VMP1: variants seen among roughly 807,000 people sequenced by gnomAD.
VMP1 encodes ectopic P-granules autophagy protein 3 homolog.
A neutral mutation model predicts 56.0 loss-of-function variants in VMP1; 11 were observed. The ratio of observed to expected loss-of-function variants is 0.20; its 90% CI spans 0.12 to 0.32. The LOEUF is 0.32. Ranked by LOEUF, VMP1 falls within the 10% of genes least tolerant of loss-of-function variation. The probability of loss-of-function intolerance (pLI) is 1.00; values close to 1 mark genes in which losing one functional copy is unlikely to be tolerated. For missense variants in VMP1, 296 were observed against 490.3 expected (o/e 0.60, Z 3.74); for synonymous variants, 149 against 165.0 (o/e 0.90, Z 0.74).
intron 10 of VMP1, among the ~76,000 whole-genome samples, chr17:59,824,733 C>T (rs1201634050): frequency 2.0e-5 from 3 of 150,850 alleles, no homozygotes; most frequent in East Asian, 2.0e-4. Flanking sequence ...ATTAGCCAAG[C>T]GTGGTGATGG....
chr17:59,785,946 T>A (rs527661569), intron 7 of VMP1, among the ~76,000 whole-genome samples: 10 of 152,272 alleles, frequency 6.6e-5, no homozygotes, highest in Admixed American at 2.6e-4. Context: ...TGAAGCTAAA[T>A]CCCCAAATTA....
At chr17:59,809,904 A>G (rs1238571454) in intron 8 of VMP1, among the ~76,000 whole-genome samples, 1 of 152,168 alleles carries the variant, frequency 6.6e-6, no homozygotes, top group Non-Finnish European at 1.5e-5. Flanking sequence ...CTTCAGACCT[A>G]AATGGCTTAA....
intron 10 of VMP1, among the ~76,000 whole-genome samples, chr17:59,825,890 G>C (rs191580841): frequency 1.3e-5 from 2 of 152,330 alleles, no homozygotes; most frequent in Non-Finnish European, 2.9e-5. Context: ...TCACTCTATG[G>C]AAAGTGGTCA....
intron 7 of VMP1, among the ~76,000 whole-genome samples, chr17:59,788,419 G>A (rs551283113): frequency 8.1e-4 from 123 of 150,938 alleles, no homozygotes; most frequent in Non-Finnish European, 1.6e-3. Flanking sequence ...CCCGGGAGGC[G>A]TACATTTTAG....
intron 3 of VMP1, among the ~76,000 whole-genome samples, 181 bp from the exon 4 acceptor site, chr17:59,737,272 C>A (rs1303238991): frequency 1.3e-5 from 2 of 152,080 alleles, no homozygotes; most frequent in Non-Finnish European, 2.9e-5. Flanking sequence ...AACTTGGGTT[C>A]TCTGCCTATG....
rs1202065204 is a variant in VMP1, at chr17:59,808,954, C to A, written c.795+78C>A. 7.0e-6 allele frequency: 8 copies of A among 1,136,434 alleles called. No homozygotes were observed. The East Asian group carries it at 1.5e-4, about 21-fold the overall frequency. The allele number at this position is 1,136,434 out of a possible 1,614,324, so 70.4% of individuals were successfully genotyped here. A position where few individuals can be genotyped will look rare whatever the true frequency, so the allele number is the denominator to read the frequency against. ...TGATCCATATATACTCCTGAATTAA[C>A]AAAAGTGCTATCACTTTTATTGGGT... is the stretch of plus-strand genomic sequence containing the variant. On this transcript the variant is annotated intron_variant, in intron 8 of 11. Coordinates refer to ENST00000262291, the MANE Select transcript of VMP1 (RefSeq NM_030938.5).
Position 59,750,598 on chromosome 17 carries a change from A to C in VMP1, c.414+11651A>C, listed in dbSNP as rs1483936232. Among the ~76,000 whole-genome samples the C allele has an allele frequency of 2.0e-5, 3 of 152,186 alleles. No homozygotes were observed. In the South Asian group the frequency reaches 6.2e-4, roughly 32 times the overall value. On this transcript the variant is annotated intron_variant, in intron 5 of 11. Transcript: ENST00000262291. ...ATTACAGGCATGAGCCACCACGCCC[A>C]GCCCACAATGAGTGATTTTTAAAAT...
At chr17:59,737,744 G>GGTGT in intron 4 of VMP1, among the ~76,000 whole-genome samples, 1 of 151,754 alleles carries the variant, frequency 6.6e-6, no homozygotes, top group Middle Eastern at 3.4e-3. Flanking sequence ...ATTTATATGT[G>GGTGT]GTGTGTGTGA....
chr17:59,711,326 A>T (rs2143689731), intron 1 of VMP1, among the ~76,000 whole-genome samples: 2 of 151,294 alleles, frequency 1.3e-5, no homozygotes, highest in East Asian at 1.9e-4. Flanking sequence ...TAGTCTCTTT[A>T]GTCTTTCTCG....
In VMP1 at chr17:59,772,950, C is replaced by CTTTTTTTTTTTTTTTTTTTTTTTTTTTT. The variant is rs1179269248; in HGVS notation, c.583-801_583-774dup. Among the ~76,000 whole-genome samples the CTTTTTTTTTTTTTTTTTTTTTTTTTTTT allele has an allele frequency of 2.3e-4, 13 of 55,718 alleles. 3 individuals carry two copies. Among genetic ancestry groups the CTTTTTTTTTTTTTTTTTTTTTTTTTTTT allele is most frequent in the East Asian group, 1.2e-3 (2 of 1,686 alleles). 36.6% of individuals were successfully genotyped at this position (55,718 alleles called of 152,430 possible). ...TATCTAACACATATACTGGTGAATTCTTTTTTTTTTTTTTTTTTTTTTTTT... is the reference window on the plus strand; with the variant it reads ...TATCTAACACATATACTGGTGAATTCTTTTTTTTTTTTTTTTTTTTTTTTTTTTTTTTTTTTTTTTTTTTTTTTTTTTT... On this transcript the variant is annotated intron_variant, in intron 6 of 11. Transcript: ENST00000262291.
intron 1 of VMP1, among the ~76,000 whole-genome samples, chr17:59,724,457 G>A (rs1173689382): frequency 6.6e-6 from 1 of 151,636 alleles, no homozygotes; most frequent in African/African-American, 2.4e-5. Flanking sequence ...GAGATGGGCA[G>A]ATCACTTGAG....
intron 1 of VMP1, among the ~76,000 whole-genome samples, chr17:59,714,240 A>G (rs1187501737): frequency 6.6e-6 from 1 of 152,096 alleles, no homozygotes; most frequent in Non-Finnish European, 1.5e-5. Flanking sequence ...TGCCGAGAGT[A>G]TCACATGGAG....
intron 1 of VMP1, among the ~76,000 whole-genome samples, chr17:59,714,792 C>A (rs2034087142): frequency 6.6e-6 from 1 of 152,054 alleles, no homozygotes; most frequent in African/African-American, 2.4e-5. Flanking sequence ...ACCTCAGCCC[C>A]CTGAGTACCT....
intron 7 of VMP1, among the ~76,000 whole-genome samples, chr17:59,782,708 C>A (rs1329475451): frequency 6.6e-6 from 1 of 152,082 alleles, no homozygotes; most frequent in Non-Finnish European, 1.5e-5. Flanking sequence ...CAATCCGTAA[C>A]TATGAGTGGA....
chr17:59,758,698 G>A lies in VMP1; in HGVS notation c.415-6273G>A, dbSNP rs574373966. ...AAAAATTATCTGGGCCAGGTGCGCC[G>A]GCTCACACCTGTAATGCCAGCACTT... On this transcript the variant is annotated intron_variant, in intron 5 of 11. Transcript: ENST00000262291. Among the ~76,000 whole-genome samples the A allele has an allele frequency of 1.1e-4, 16 of 151,900 alleles. No homozygotes were observed. In the South Asian group the frequency reaches 2.5e-3, roughly 24 times the overall value.
At chr17:59,727,229 G>C (rs992245677) in intron 1 of VMP1, among the ~76,000 whole-genome samples, 1 of 151,930 alleles carries the variant, frequency 6.6e-6, no homozygotes, top group Non-Finnish European at 1.5e-5. Flanking sequence ...TTGCCTCCTG[G>C]GTTCATGCCG....
intron 9 of VMP1, among the ~76,000 whole-genome samples, chr17:59,817,096 C>T (rs1459139569): frequency 6.6e-6 from 1 of 150,636 alleles, no homozygotes; most frequent in Non-Finnish European, 1.5e-5. Flanking sequence ...TGGAGAAACA[C>T]CATCTCTACT....
At chr17:59,751,744 CAAAAAA>C (rs932086949) in intron 5 of VMP1, among the ~76,000 whole-genome samples, 3 of 42,562 alleles carry the variant, frequency 7.0e-5, no homozygotes, top group Non-Finnish European at 1.4e-4. Context: ...AACTCCGTCT[CAAAAAA>C]AAAAAAAAAA....
chr17:59,788,385 G>A (rs1307769071), intron 7 of VMP1, among the ~76,000 whole-genome samples: 2 of 152,020 alleles, frequency 1.3e-5, no homozygotes, highest in Admixed American at 6.6e-5. Context: ...TACTCAGGAG[G>A]CTGAGGCAGG....
Sources: gnomAD v4.1 joint callset for allele counts (sites outside exome capture counted in the v4.1 genomes callset) on GRCh38, gnomAD v4.1.1 for gene constraint, MANE v1.5 for transcripts, NCBI Gene and HGNC (gene_info 2026-07-23, HGNC 2026-07-21) for gene names.